The following STARD13 variants were observed in gnomAD, a reference collection of about 807,000 sequenced individuals.
STARD13 encodes StAR related lipid transfer domain containing 13.
STARD13 carries 62 observed loss-of-function variants against 106.4 expected under a neutral mutation model. That is an observed-to-expected ratio of 0.58 (90% CI 0.48 to 0.72). The LOEUF (loss-of-function observed/expected upper bound fraction) is 0.72. Among genes scored for constraint, STARD13 ranks in the 30% least tolerant of loss-of-function variants. STARD13 has a pLI of 0.00. For missense variants in STARD13, 1,387 were observed against 1,424.0 expected, an observed-to-expected ratio of 0.97 and a Z score of 0.42; for synonymous variants, 565 against 553.0, an observed-to-expected ratio of 1.02 and a Z score of -0.31.
chr13:33,546,057 T>C, the STARD13 span, among the ~76,000 whole-genome samples: 10 of 152,368 alleles, frequency 6.6e-5, no homozygotes, highest in South Asian at 2.1e-4. Context: ...CAATTTATCC[T>C]GGCTAATTTC....
At chr13:33,118,764 T>A (rs1229022400) in intron 7 of STARD13, among the ~76,000 whole-genome samples, 1 of 152,294 alleles carries the variant, frequency 6.6e-6, no homozygotes, top group East Asian at 1.9e-4. Context: ...TAAACAGCCA[T>A]ATCCAGTGCC....
At chr13:33,602,184 C>G in the STARD13 span, among the ~76,000 whole-genome samples, 73 of 151,894 alleles carry the variant, frequency 4.8e-4, no homozygotes, top group Non-Finnish European at 8.2e-4. Flanking sequence ...CTCTGCCTCC[C>G]AGGTTCAAGC....
chr13:33,380,244 G>A, the STARD13 span, among the ~76,000 whole-genome samples: 4 of 151,748 alleles, frequency 2.6e-5, no homozygotes, highest in African/African-American at 7.3e-5. Context: ...GTGAAACCCC[G>A]TCTCTACTAA....
chr13:33,570,652 T>C, the STARD13 span, among the ~76,000 whole-genome samples: 1 of 120,960 alleles, frequency 8.3e-6, no homozygotes, highest in African/African-American at 2.9e-5. Context: ...AAATCTTTCT[T>C]CTTTGTTAGT....
intron 4 of STARD13, among the ~76,000 whole-genome samples, chr13:33,141,266 G>C (rs1486047954): frequency 1.3e-5 from 2 of 152,190 alleles, no homozygotes; most frequent in East Asian, 3.8e-4. Flanking sequence ...ACACCTCCGA[G>C]GTAGAAACCC....
intron 1 of STARD13, among the ~76,000 whole-genome samples, chr13:33,206,392 CA>C (rs1887421275): frequency 5.3e-5 from 8 of 152,014 alleles, no homozygotes; most frequent in African/African-American, 1.4e-4. Context: ...CACACACACA[CA>C]CACCCATAAA....
the STARD13 span, among the ~76,000 whole-genome samples, chr13:33,673,870 T>C: frequency 6.6e-6 from 1 of 150,576 alleles, no homozygotes; most frequent in Non-Finnish European, 1.5e-5. Flanking sequence ...TTTTTTTTTT[T>C]CTTTTTTTCT....
the STARD13 span, among the ~76,000 whole-genome samples, chr13:33,456,910 T>C: frequency 3.9e-5 from 6 of 152,202 alleles, no homozygotes; most frequent in Non-Finnish European, 1.5e-5. Context: ...AGTTGAGTAG[T>C]TGAAGCAGAA....
chr13:33,647,938 A>G, the STARD13 span, among the ~76,000 whole-genome samples: 2 of 152,202 alleles, frequency 1.3e-5, no homozygotes, highest in African/African-American at 4.8e-5. Context: ...GTGAATGAAT[A>G]TACTCATTTT....
chr13:33,648,629 T>G, the STARD13 span, among the ~76,000 whole-genome samples: 4 of 152,122 alleles, frequency 2.6e-5, no homozygotes, highest in African/African-American at 9.7e-5. Flanking sequence ...AAGGAGGTCC[T>G]TAGGGCTTTC....
At chr13:33,608,911 C>T in the STARD13 span, among the ~76,000 whole-genome samples, 1 of 151,480 alleles carries the variant, frequency 6.6e-6, no homozygotes, top group African/African-American at 2.4e-5. Context: ...ACGGTGAAAC[C>T]CTGTCTCTAC....
intron 1 of STARD13, among the ~76,000 whole-genome samples, chr13:33,214,038 C>A (rs1413252890): frequency 6.6e-6 from 1 of 152,136 alleles, no homozygotes; most frequent in African/African-American, 2.4e-5. Context: ...CCGGCCTCAC[C>A]CAAATCATAT....
chr13:33,644,853 T>A, the STARD13 span, among the ~76,000 whole-genome samples: 1 of 152,138 alleles, frequency 6.6e-6, no homozygotes, highest in Non-Finnish European at 1.5e-5. Context: ...ATAATGACAC[T>A]CAAATGTTGA....
At chr13:33,358,612 T>A in the STARD13 span, among the ~76,000 whole-genome samples, 1 of 150,796 alleles carries the variant, frequency 6.6e-6, no homozygotes, top group Non-Finnish European at 1.5e-5. Flanking sequence ...AGTCTTTATG[T>A]CTAGCTCAGG....
At chr13:33,286,799 T>C (rs1892078836), upstream of STARD13, among the ~76,000 whole-genome samples, 1 of 152,102 alleles carries the variant, frequency 6.6e-6, no homozygotes, top group Non-Finnish European at 1.5e-5. Flanking sequence ...AACCAGAGTA[T>C]ATGGTTTAAG....
intron 1 of STARD13, among the ~76,000 whole-genome samples, chr13:33,198,101 G>A (rs1053508651): frequency 2.0e-5 from 3 of 152,182 alleles, no homozygotes; most frequent in Non-Finnish European, 2.9e-5. Context: ...CCAGGAGGCG[G>A]AGGTTGCAGT....
At chr13:33,513,839 T>A in the STARD13 span, among the ~76,000 whole-genome samples, 1 of 152,192 alleles carries the variant, frequency 6.6e-6, no homozygotes, top group Non-Finnish European at 1.5e-5. Flanking sequence ...GCTGTTAATA[T>A]GTTTCCCCCA....
intron 1 of STARD13, among the ~76,000 whole-genome samples, chr13:33,271,198 A>G (rs1891141893): frequency 6.6e-6 from 1 of 152,224 alleles, no homozygotes; most frequent in South Asian, 2.1e-4. Context: ...ACAGAACTGT[A>G]AAATCTGGAA....
At chr13:33,519,439 C>T in the STARD13 span, among the ~76,000 whole-genome samples, 2 of 151,444 alleles carry the variant, frequency 1.3e-5, no homozygotes, top group Non-Finnish European at 2.9e-5. Flanking sequence ...ATCCACCCAC[C>T]TCGGCCTCCC....
Sources: gnomAD v4.1 joint callset for allele counts (sites outside exome capture counted in the v4.1 genomes callset) on GRCh38, gnomAD v4.1.1 for gene constraint, MANE v1.5 for transcripts, NCBI Gene and HGNC (gene_info 2026-07-23, HGNC 2026-07-21) for gene names.